RBFOX2: variants seen among roughly 807,000 people sequenced by gnomAD.
RBFOX2 encodes RNA binding fox-1 homolog 2.
A neutral mutation model predicts 49.1 loss-of-function variants in RBFOX2; 10 were observed. The ratio of observed to expected loss-of-function variants is 0.20; its 90% CI spans 0.13 to 0.35. The LOEUF (loss-of-function observed/expected upper bound fraction) is 0.35, where lower values mean the gene tolerates loss of function less well. Ranked by LOEUF, RBFOX2 falls within the 10% of genes least tolerant of loss-of-function variation. The pLI is 1.00. For synonymous variants in RBFOX2, 183 were observed against 187.4 expected (o/e 0.98, Z 0.19); for missense variants, 323 against 486.9 (o/e 0.66, Z 3.17).
intron 1 of RBFOX2, among the ~76,000 whole-genome samples, chr22:35,913,105 ATTTT>A (rs1014938849): frequency 1.3e-5 from 1 of 77,444 alleles, no homozygotes; most frequent in African/African-American, 5.3e-5. Flanking sequence ...TTCTACTGTA[ATTTT>A]TTTTTAATTG....
intron 1 of RBFOX2, among the ~76,000 whole-genome samples, chr22:35,970,942 G>A (rs2056837960): frequency 6.6e-6 from 1 of 152,038 alleles, no homozygotes; most frequent in Non-Finnish European, 1.5e-5. Flanking sequence ...TCAATACCAG[G>A]CATACCCTCA....
At chr22:35,992,406 T>C (rs1191986958) in intron 1 of RBFOX2, 1 of 151,910 alleles carries the variant, frequency 6.6e-6, no homozygotes, top group Non-Finnish European at 1.5e-5. Context: ...GATTCAAGAG[T>C]TCTTTAAGTC....
At chr22:35,742,826 G>A (rs1263226122) in exon 12 of RBFOX2, 1 of 152,384 alleles carries the variant, frequency 6.6e-6, no homozygotes, top group East Asian at 1.9e-4. Flanking sequence ...AATATGGGAG[G>A]GCAGCAATCT....
chr22:35,942,505 G>C (rs778956145), upstream of RBFOX2, among the ~76,000 whole-genome samples: 1 of 151,980 alleles, frequency 6.6e-6, no homozygotes, highest in Non-Finnish European at 1.5e-5. Flanking sequence ...TTAATAATAA[G>C]GTAATAGTGT....
chr22:35,790,652 G>A (rs1401779586), intron 2 of RBFOX2, among the ~76,000 whole-genome samples: 1 of 152,110 alleles, frequency 6.6e-6, no homozygotes, highest in Non-Finnish European at 1.5e-5. Context: ...TAACATTAGG[G>A]GAACTGGGTG....
chr22:35,885,440 T>C (rs2046435833), intron 1 of RBFOX2, among the ~76,000 whole-genome samples: 1 of 152,230 alleles, frequency 6.6e-6, no homozygotes, highest in Admixed American at 6.5e-5. Context: ...GGAAAAATCA[T>C]GCCCATTTTA....
intron 1 of RBFOX2, among the ~76,000 whole-genome samples, chr22:35,829,811 C>T (rs1956453955): frequency 1.3e-5 from 2 of 152,156 alleles, no homozygotes; most frequent in Non-Finnish European, 2.9e-5. Context: ...TCACCTTCCA[C>T]TTCTCTTTCT....
chr22:35,855,790 T>C (rs996205837), intron 1 of RBFOX2, among the ~76,000 whole-genome samples: 1 of 151,350 alleles, frequency 6.6e-6, no homozygotes, highest in African/African-American at 2.4e-5. Flanking sequence ...ACTGGGAGGC[T>C]CAGGCAGGCG....
intron 5 of RBFOX2, among the ~76,000 whole-genome samples, chr22:35,767,675 T>G (rs1036754868): frequency 2.6e-5 from 4 of 152,148 alleles, no homozygotes; most frequent in African/African-American, 9.7e-5. Flanking sequence ...CCATAAAAAT[T>G]TAGATACCAA....
intron 1 of RBFOX2, among the ~76,000 whole-genome samples, chr22:35,976,911 C>A (rs1427724763): frequency 1.3e-5 from 2 of 151,238 alleles, no homozygotes; most frequent in Non-Finnish European, 2.9e-5. Context: ...TTGCAGGGAG[C>A]CAAGATCGCG....
Position 35,759,827 on chromosome 22 carries a change from A to G in RBFOX2, c.887+61T>C. 6.3e-7 allele frequency: 1 copy of G among 1,595,564 alleles called. No homozygotes were observed. Among genetic ancestry groups the G allele is most frequent in the Non-Finnish European group, 8.6e-7 (1 of 1,165,354 alleles). ...CCAGAAGTTATGAAAGGGCCATGGT[A>G]TTCTTTTTTGGTCCAACTGCTTATT... is the stretch of plus-strand genomic sequence containing the variant. On this transcript the variant is annotated intron_variant, in intron 9 of 11. Coordinates refer to ENST00000405409, the Ensembl canonical transcript of RBFOX2. This position sits in a 1 kb window ranked among gnomAD's most constrained non-coding sequence, Gnocchi z 4.6.
At chr22:35,772,419 T>C (rs1327471919) in intron 4 of RBFOX2, among the ~76,000 whole-genome samples, 1 of 152,172 alleles carries the variant, frequency 6.6e-6, no homozygotes, top group Non-Finnish European at 1.5e-5. Context: ...AATATGGTAT[T>C]AATATTAAAA....
intron 1 of RBFOX2, among the ~76,000 whole-genome samples, chr22:35,875,128 T>G (rs1569440134): frequency 6.6e-6 from 1 of 152,172 alleles, no homozygotes; most frequent in Non-Finnish European, 1.5e-5. Flanking sequence ...TCCTTGGTCT[T>G]GGACTTCCAA....
chr22:35,804,607 T>C (rs1950362564), intron 2 of RBFOX2, among the ~76,000 whole-genome samples: 1 of 151,930 alleles, frequency 6.6e-6, no homozygotes, highest in South Asian at 2.1e-4. Context: ...ATGACATATT[T>C]AAAGGGCTGG....
At chr22:36,011,441 C>G (rs1287601009) in intron 1 of RBFOX2, among the ~76,000 whole-genome samples, 1 of 152,114 alleles carries the variant, frequency 6.6e-6, no homozygotes, top group African/African-American at 2.4e-5. Flanking sequence ...GGACATGGTT[C>G]TCTCAGTAGA....
chr22:35,935,276 GT>G (rs1260672712), intron 1 of RBFOX2, among the ~76,000 whole-genome samples: 2 of 152,198 alleles, frequency 1.3e-5, no homozygotes, highest in Non-Finnish European at 2.9e-5. Context: ...TTCTGAACTA[GT>G]TTTCACTTAT....
rs1386541742 is a variant in RBFOX2 at position 35,770,798 on chromosome 22, T to C, written c.454-2449A>G. Among the ~76,000 whole-genome samples, 49 of 152,314 alleles carry C rather than the reference T, an allele frequency of 3.2e-4. 1 individual carries two copies. Among genetic ancestry groups the C allele is most frequent in the Non-Finnish European group, 2.9e-5 (2 of 68,012 alleles). ...AGCAAATGTCAAAGTTTAACATTCA[T>C]GTCTGCTTGGATAAGATTTTCTCAA... On this transcript the variant is annotated intron_variant, in intron 4 of 11. Transcript: ENST00000405409.
intron 1 of RBFOX2, among the ~76,000 whole-genome samples, chr22:35,812,687 A>C (rs1300784832): frequency 6.6e-6 from 1 of 152,210 alleles, no homozygotes; most frequent in Non-Finnish European, 1.5e-5. Flanking sequence ...TCCATAAGAA[A>C]GTTCTACTAA....
chr22:35,830,205 C>T (rs1956520156), intron 1 of RBFOX2, among the ~76,000 whole-genome samples: 1 of 152,186 alleles, frequency 6.6e-6, no homozygotes, highest in Non-Finnish European at 1.5e-5. Context: ...GATGCTGACA[C>T]TGGTGATATA....
Sources: gnomAD v4.1 joint callset for allele counts (sites outside exome capture counted in the v4.1 genomes callset) on GRCh38, gnomAD v4.1.1 for gene constraint, Gnocchi (gnomAD v3.1) non-coding constraint, MANE v1.5 for transcripts, NCBI Gene and HGNC (gene_info 2026-07-23, HGNC 2026-07-21) for gene names.